The following OIP5 variants were observed in gnomAD, a reference collection of about 807,000 sequenced individuals.
OIP5 encodes Opa interacting protein 5, also known as protein Mis18-beta.
Under a neutral mutation model 20.3 loss-of-function variants are expected in OIP5, and 24 were observed. The observed-to-expected ratio is 1.18, with a 90% CI of 0.86 to 1.66. OIP5 has a LOEUF of 1.66. Among genes scored for constraint, OIP5 ranks in the 40% most tolerant of loss-of-function variants. The pLI is 0.00. For synonymous variants in OIP5, 143 were observed against 121.3 expected, an observed-to-expected ratio of 1.18 and a Z score of -1.17; for missense variants, 339 against 289.5, an observed-to-expected ratio of 1.17 and a Z score of -1.24.
At chr15:41,332,071 T>A (rs1386822228) in intron 1 of OIP5, 90 bp from the exon 2 acceptor site, 1 of 1,404,090 alleles carries the variant, frequency 7.1e-7, no homozygotes, top group African/African-American at 1.4e-5. Flanking sequence ...TGGCCGTAAA[T>A]ATCAGGAGAC....
rs989443148 is a variant in OIP5 at position 41,319,517 on chromosome 15, G to A, written c.512+141C>T. ...TGATCCACCGCCTCAGCCTCCTAAAGTGCTGGGATTACAGGCATAAGCCAC... is the reference window on the plus strand; with the variant it reads ...TGATCCACCGCCTCAGCCTCCTAAAATGCTGGGATTACAGGCATAAGCCAC... On this transcript the variant is annotated intron_variant, in intron 3 of 4. Transcript: ENST00000220514. 2.2e-5 allele frequency: 16 copies of A among 726,972 alleles called. No homozygotes were observed. In the African/African-American group the frequency reaches 2.6e-4, roughly 12 times the overall value. The allele number at this position is 726,972 out of a possible 1,614,324, so 45.0% of individuals were successfully genotyped here. A position where few individuals can be genotyped will look rare whatever the true frequency, so the allele number is the denominator to read the frequency against.
In OIP5 at chr15:41,332,409, G is replaced by C. The variant is rs1258198042; in HGVS notation, c.153C>G (p.Gly51=). The stretch of plus-strand genomic sequence containing the variant: ...GCTCCTCAGCCCCCAGCCCTGCGGG[G>C]CCGAGCGGCGAGGACCCCTTCACCA... ...TQVVKGSSPL[G]PAGLGAEEPA... The change falls in exon 1 of 5, where the codon GGC becomes GGG. Residue 51 remains glycine (G), a synonymous_variant. Transcript: ENST00000220514. The C allele has an allele frequency of 6.2e-7, 1 of 1,613,924 alleles. No homozygotes were observed. The highest frequency in any genetic ancestry group is 2.2e-5 in the East Asian group (1 of 44,880).
At chr15:41,324,562 G>A (rs185539950) in intron 2 of OIP5, among the ~76,000 whole-genome samples, 42 of 151,938 alleles carry the variant, frequency 2.8e-4, no homozygotes, top group Non-Finnish European at 5.1e-4. Context: ...TGTTCTTGGT[G>A]CACTGCAACC....
In OIP5 at chr15:41,319,773, T is replaced by G; in HGVS notation, c.397A>C (p.Asn133His). The change falls in exon 3 of 5, where the codon AAC (asparagine) becomes CAC (histidine). Residue 133 changes from asparagine to histidine, a missense_variant. By Grantham distance (68) the Asn-to-His change is moderately conservative (BLOSUM62 1). Coordinates refer to ENST00000220514, the MANE Select transcript of OIP5 (RefSeq NM_007280.2). ...CCACAAGAACCACAGAATAAAAGGT[T>G]GTAAGTACTAGGGGTGGGGAAAAAC... Reference protein sequence around the residue: ...IEGSLKGSTYNLLFCGSCGIP... With the variant: ...IEGSLKGSTYHLLFCGSCGIP... 6.2e-7 allele frequency: 1 copy of G among 1,611,548 alleles called. No individual in the cohort carries two copies. The highest frequency in any genetic ancestry group is 2.2e-5 in the East Asian group (1 of 44,828).
intron 4 of OIP5, among the ~76,000 whole-genome samples, chr15:41,311,004 CCAG>C (rs1466949345): frequency 6.6e-6 from 1 of 152,128 alleles, no homozygotes; most frequent in African/African-American, 2.4e-5. Context: ...TTCGCCCCTC[CCAG>C]CATAGGATTT....
chr15:41,314,628 T>C (rs909538694), intron 3 of OIP5, among the ~76,000 whole-genome samples: 8 of 148,580 alleles, frequency 5.4e-5, no homozygotes, highest in African/African-American at 2.0e-4. Context: ...ATAGCGAAAC[T>C]CCATCTCTTT....
chr15:41,322,251 C>T (rs1412111200), intron 2 of OIP5, among the ~76,000 whole-genome samples: 3 of 152,132 alleles, frequency 2.0e-5, no homozygotes, highest in Non-Finnish European at 2.9e-5. Flanking sequence ...GCAGCCTAGG[C>T]AACATGGTAA....
intron 2 of OIP5, among the ~76,000 whole-genome samples, chr15:41,324,575 C>T (rs1296048749): frequency 1.3e-5 from 2 of 151,768 alleles, no homozygotes; most frequent in Admixed American, 6.6e-5. Flanking sequence ...CTGCAACCTC[C>T]GCCTCCCGGG....
At chr15:41,325,517 A>G (rs1467477630) in intron 2 of OIP5, among the ~76,000 whole-genome samples, 1 of 151,754 alleles carries the variant, frequency 6.6e-6, no homozygotes, top group Non-Finnish European at 1.5e-5. Context: ...GCTCAACAAA[A>G]GCTTGTCACA....
At position 41,329,584 on chromosome 15, in the gene OIP5, G is replaced by A. The variant is rs549033558; in HGVS notation, c.389+2331C>T. On this transcript the variant is annotated intron_variant, in intron 2 of 4. Transcript: ENST00000220514. The stretch of plus-strand genomic sequence containing the variant: ...CTGCCTTGGCCTCCCAAAGTGCTGG[G>A]ATTATAGGTGTAAGCCACTGCACCT... Among the ~76,000 whole-genome samples, 13 of 152,162 alleles carry A rather than the reference G, an allele frequency of 8.5e-5. No homozygotes were observed. In the South Asian group the frequency reaches 2.7e-3, roughly 32 times the overall value.
intron 3 of OIP5, among the ~76,000 whole-genome samples, chr15:41,315,077 G>T (rs1487081556): frequency 6.8e-6 from 1 of 147,654 alleles, no homozygotes; most frequent in Non-Finnish European, 1.5e-5. Flanking sequence ...GCTCCAGCCT[G>T]TGTGACAGTG....
rs532029473 is a variant in OIP5, at chr15:41,332,522, T to A, written c.40A>T (p.Thr14Ser). Residue 14 changes from threonine (T) to serine (S), a missense_variant, in exon 1 of 5, where the codon ACG (threonine) becomes TCG (serine). Coordinates refer to ENST00000220514, the MANE Select transcript of OIP5 (RefSeq NM_007280.2). ...CCACAAAAGTCCCCCCGGGGCGGCG[T>A]TGCACAACGTGAGCGATGCCGCAGC... Reference protein sequence around the residue: ...QPLRHRSRCATPPRGDFCGGT... With the variant: ...QPLRHRSRCASPPRGDFCGGT... 1.2e-6 allele frequency: 2 copies of A among 1,612,584 alleles called. No homozygotes were observed. Among genetic ancestry groups the A allele is most frequent in the Non-Finnish European group, 1.7e-6 (2 of 1,179,470 alleles).
intron 2 of OIP5, 79 bp from the exon 3 acceptor site, chr15:41,319,859 T>C (rs1042693262): frequency 1.7e-6 from 2 of 1,199,866 alleles, no homozygotes; most frequent in African/African-American, 3.1e-5. Context: ...CTCTGAAGCA[T>C]TCCTAACACC....
chr15:41,320,567 C>T (rs1348432456), intron 2 of OIP5, among the ~76,000 whole-genome samples: 1 of 152,100 alleles, frequency 6.6e-6, no homozygotes, highest in Non-Finnish European at 1.5e-5. Context: ...GACGGAGTCT[C>T]GTCTCGTTCA....
At chr15:41,318,336 AT>A (rs2047801313) in intron 3 of OIP5, among the ~76,000 whole-genome samples, 1 of 151,904 alleles carries the variant, frequency 6.6e-6, no homozygotes, top group Non-Finnish European at 1.5e-5. Context: ...TTATTTTCGT[AT>A]TTTAAATGGA....
Position 41,332,529 on chromosome 15 carries a change from A to C in OIP5, c.33T>G (p.Arg11=), listed in dbSNP as rs758687885. The C allele has an allele frequency of 6.2e-7, 1 of 1,611,658 alleles. No individual in the cohort carries two copies. Among genetic ancestry groups the C allele is most frequent in the South Asian group, 1.1e-5 (1 of 90,938 alleles). Residue 11 remains arginine, a synonymous_variant, in exon 1 of 5, where the codon CGT becomes CGG. Coordinates refer to ENST00000220514, the MANE Select transcript of OIP5 (RefSeq NM_007280.2). MAAQPLRHRS[R]CATPPRGDFC... ...AGTCCCCCCGGGGCGGCGTTGCACA[A>C]CGTGAGCGATGCCGCAGCGGCTGAG...
intron 2 of OIP5, among the ~76,000 whole-genome samples, chr15:41,321,526 T>C (rs1000688110): frequency 1.5e-4 from 23 of 152,230 alleles, no homozygotes; most frequent in African/African-American, 5.3e-4. Context: ...ATGGCTGCTG[T>C]GTCTGTGTAG....
At chr15:41,324,686 A>C (rs1167200935) in intron 2 of OIP5, among the ~76,000 whole-genome samples, 1 of 152,006 alleles carries the variant, frequency 6.6e-6, no homozygotes, top group East Asian at 1.9e-4. Flanking sequence ...ATGGGGTTTC[A>C]CCATGTTGGT....
chr15:41,310,311 C>A (rs973351582), intron 4 of OIP5, among the ~76,000 whole-genome samples: 2 of 152,100 alleles, frequency 1.3e-5, no homozygotes, highest in East Asian at 3.9e-4. Flanking sequence ...GAACTTTATA[C>A]AACAACGTAG....
Sources: gnomAD v4.1 joint callset for allele counts (sites outside exome capture counted in the v4.1 genomes callset) on GRCh38, gnomAD v4.1.1 for gene constraint, MANE v1.5 for transcripts, NCBI Gene and HGNC (gene_info 2026-07-23, HGNC 2026-07-21) for gene names.